Variants in PCDHGA2 observed in about 807,000 individuals in gnomAD.
PCDHGA2 encodes protocadherin gamma subfamily A, 2, also known as protocadherin gamma-A2.
In PCDHGA2, 40 loss-of-function variants were observed where a neutral mutation model predicts 59.2. The ratio of observed to expected loss-of-function variants is 0.68; its 90% CI spans 0.52 to 0.88. The LOEUF is 0.88. Among genes scored for constraint, PCDHGA2 ranks in the 40% least tolerant of loss-of-function variants. The pLI is 0.00. For synonymous variants in PCDHGA2, 560 were observed against 526.0 expected, an observed-to-expected ratio of 1.06 and a Z score of -0.89; for missense variants, 1,226 against 1,204.0, an observed-to-expected ratio of 1.02 and a Z score of -0.27.
Position 141,354,145 on chromosome 5 carries a change from T to C in PCDHGA2, c.2424+12750T>C, listed in dbSNP as rs546744648. ...TTAGAAATTGTAAAATAATACTGAA[T>C]GTGTCATGTGAAAAAATCACTAAAC... On this transcript the variant is annotated intron_variant, in intron 1 of 3. Transcript: ENST00000394576. Among the ~76,000 whole-genome samples the C allele has an allele frequency of 1.6e-4, 24 of 152,362 alleles. No homozygotes were observed. In the South Asian group the frequency reaches 4.3e-3, roughly 28 times the overall value.
intron 1 of PCDHGA2, chr5:141,405,303 G>C: frequency 1.2e-6 from 2 of 1,614,230 alleles, no homozygotes; most frequent in African/African-American, 1.3e-5. Context: ...AGCCAGCAGA[G>C]CTGTGAGAAA....
chr5:141,367,813 CTT>C (rs1205428294), intron 1 of PCDHGA2: 1 of 151,974 alleles, frequency 6.6e-6, no homozygotes, highest in African/African-American at 2.4e-5. Context: ...TAGATAAACC[CTT>C]TACTTATTAG....
At chr5:141,430,575 A>G in intron 1 of PCDHGA2, 2 of 455,822 alleles carry the variant, frequency 4.4e-6, no homozygotes, top group East Asian at 3.5e-5. Flanking sequence ...AAAAGCGGAG[A>G]TCCTGCTCGC....
rs1190445239 is a variant in PCDHGA2 at position 141,431,331 on chromosome 5, A to T, written c.2425-63476A>T. 1 of 1,614,062 alleles carries T rather than the reference A, an allele frequency of 6.2e-7. No individual in the cohort carries two copies. The highest frequency in any genetic ancestry group is 1.7e-5 in the Admixed American group (1 of 60,026). On this transcript the variant is annotated intron_variant, in intron 1 of 3. Coordinates refer to ENST00000394576, the MANE Select transcript of PCDHGA2 (RefSeq NM_018915.4). The surrounding 1 kb of genome is among the most constrained non-coding windows in gnomAD (Gnocchi z 4.8). ...CAAAATGGAGCCGACGGTAGTAAGT[A>T]CCCCGAATTGGTGCTGAAACGCGCC...
At chr5:141,345,715 A>G (rs376458225) in intron 1 of PCDHGA2, 4 of 1,614,112 alleles carry the variant, frequency 2.5e-6, no homozygotes, top group Admixed American at 3.3e-5. Context: ...AACGCGCCCG[A>G]GATCCTGTAC....
At chr5:141,366,079 A>G (rs368547508) in intron 1 of PCDHGA2, 2 of 1,614,220 alleles carry the variant, frequency 1.2e-6, no homozygotes, top group East Asian at 2.2e-5. Context: ...GCTCCGCAGA[A>G]CCTGGCTACC....
At chr5:141,364,831 C>T (rs1391925170) in intron 1 of PCDHGA2, 1 of 1,613,892 alleles carries the variant, frequency 6.2e-7, no homozygotes, top group Non-Finnish European at 8.5e-7. Context: ...TGAACTCTCT[C>T]CGGAGTTACC....
rs747585516 is a variant in PCDHGA2, at chr5:141,409,120, A to G, written c.2424+67725A>G. ...CAGGTATGATTAAGAATAACCAGTC[A>G]TTTGATTTTGAAGATGTAGAAAGGT... On this transcript the variant is annotated intron_variant, in intron 1 of 3. Transcript: ENST00000394576. 6 of 1,613,844 alleles carry G rather than the reference A, an allele frequency of 3.7e-6. No homozygotes were observed. The African/African-American group carries it at 8.0e-5, about 22-fold the overall frequency.
At chr5:141,357,213 C>G (rs1448825972) in intron 1 of PCDHGA2, 3 of 1,613,766 alleles carry the variant, frequency 1.9e-6, no homozygotes, top group African/African-American at 1.3e-5. Context: ...TCCCAGATGT[C>G]CTGGCTGACT....
intron 1 of PCDHGA2, chr5:141,410,538 T>TG (rs768720792): frequency 8.1e-6 from 13 of 1,613,830 alleles, no homozygotes; most frequent in Non-Finnish European, 1.1e-5. Flanking sequence ...AATGAAGACA[T>TG]GGTTTGCAGT....
chr5:141,340,274 G>A lies in PCDHGA2; in HGVS notation c.1303G>A (p.Asp435Asn), dbSNP rs1452914479. The A allele has an allele frequency of 5.0e-6, 8 of 1,614,008 alleles. No individual in the cohort carries two copies. The highest frequency in any genetic ancestry group is 2.2e-5 in the East Asian group (1 of 44,874). The change falls in exon 1 of 4, where the codon GAT becomes AAT. Residue 435 changes from aspartate to asparagine, a missense_variant. Coordinates refer to ENST00000394576, the MANE Select transcript of PCDHGA2 (RefSeq NM_018915.4). The stretch of plus-strand genomic sequence containing the variant: ...TGGAGGGAACCCCTCCCTGTCCACG[G>A]ATGCTCACATTTTGCTCCAGGTGGC... Reference protein sequence around the residue: ...KDGGNPSLSTDAHILLQVADI... With the variant: ...KDGGNPSLSTNAHILLQVADI...
chr5:141,360,204 T>G (rs751196822), intron 1 of PCDHGA2: 1 of 1,612,988 alleles, frequency 6.2e-7, no homozygotes, highest in Non-Finnish European at 8.5e-7. Context: ...TCCTGTTGTC[T>G]TTGTTCCCCG....
intron 1 of PCDHGA2, chr5:141,419,206 G>A: frequency 1.9e-6 from 3 of 1,613,876 alleles, no homozygotes; most frequent in Non-Finnish European, 1.7e-6. Flanking sequence ...ATGACAACGC[G>A]CCGGTTTTCG....
intron 1 of PCDHGA2, chr5:141,422,327 T>C (rs1561800795): frequency 1.3e-6 from 2 of 1,548,652 alleles, no homozygotes; most frequent in African/African-American, 2.8e-5. Context: ...GGTACAGTGA[T>C]TGCTCTTCTA....
At chr5:141,344,179 C>G in intron 1 of PCDHGA2, 1 of 1,614,034 alleles carries the variant, frequency 6.2e-7, no homozygotes, top group Non-Finnish European at 8.5e-7. Context: ...GGCAACATCG[C>G]TAACGACCTG....
Position 141,432,731 on chromosome 5 carries a change from G to C in PCDHGA2, c.2425-62076G>C, listed in dbSNP as rs1244820860. On this transcript the variant is annotated intron_variant, in intron 1 of 3. Coordinates refer to ENST00000394576, the MANE Select transcript of PCDHGA2 (RefSeq NM_018915.4). This position sits in a 1 kb window ranked among gnomAD's most constrained non-coding sequence, Gnocchi z 6.0. ...CGGCCAGCCCCCTCTCTCCGCCACT[G>C]TCACGCTCACCGTGGCCGTGGCCGA... The C allele has an allele frequency of 6.2e-7, 1 of 1,614,068 alleles. No homozygotes were observed.
intron 1 of PCDHGA2, chr5:141,433,096 C>G: frequency 3.1e-6 from 5 of 1,614,118 alleles, no homozygotes; most frequent in Non-Finnish European, 4.2e-6. Flanking sequence ...CAGACATGCT[C>G]GTCAGCCAGG....
intron 1 of PCDHGA2, chr5:141,423,386 G>T: frequency 6.2e-7 from 1 of 1,614,160 alleles, no homozygotes; most frequent in Middle Eastern, 1.7e-4. Flanking sequence ...CTGTGGCGCT[G>T]GCATAAGTCA....
chr5:141,432,766 C>G lies in PCDHGA2; in HGVS notation c.2425-62041C>G. On this transcript the variant is annotated intron_variant, in intron 1 of 3. Transcript: ENST00000394576. This position sits in a 1 kb window ranked among gnomAD's most constrained non-coding sequence, Gnocchi z 6.0. Reference sequence around the variant, plus strand: ...CCGTGGCCGTGGCCGACAGCATCCCCCAAGTCCTGGCGGACCTCGGCAGCC... The same window carrying G: ...CCGTGGCCGTGGCCGACAGCATCCCGCAAGTCCTGGCGGACCTCGGCAGCC... 6.2e-7 allele frequency: 1 copy of G among 1,614,160 alleles called. No individual in the cohort carries two copies. The highest frequency in any genetic ancestry group is 8.5e-7 in the Non-Finnish European group (1 of 1,179,994).
Sources: allele counts gnomAD v4.1 joint callset (sites outside exome capture counted in the v4.1 genomes callset), GRCh38; gene constraint gnomAD v4.1.1; non-coding constraint Gnocchi (gnomAD v3.1); transcripts MANE v1.5; gene names NCBI Gene and HGNC (gene_info 2026-07-23, HGNC 2026-07-21).